Variants in ADAM19 observed in about 807,000 individuals in gnomAD.
ADAM19 encodes disintegrin and metalloproteinase domain-containing protein 19.
Under a neutral mutation model 114.7 loss-of-function variants are expected in ADAM19, and 65 were observed. The ratio of observed to expected loss-of-function variants is 0.57; its 90% confidence interval spans 0.46 to 0.70. The LOEUF (loss-of-function observed/expected upper bound fraction) is 0.70, where lower values mean the gene tolerates loss of function less well. Ranked by LOEUF, ADAM19 falls within the 30% of genes least tolerant of loss-of-function variation. The pLI, the probability that ADAM19 is intolerant of heterozygous loss-of-function variation, is 0.00. For missense variants in ADAM19, 1,063 were observed against 1,204.7 expected (o/e 0.88, Z 1.74); for synonymous variants, 466 against 460.5 (o/e 1.01, Z -0.15).
chr5:157,480,608 CT>C lies in ADAM19; in HGVS notation c.*340del. The C allele has an allele frequency of 8.8e-7, 1 of 1,136,970 alleles. No individual in the cohort carries two copies. Among genetic ancestry groups the C allele is most frequent in the Non-Finnish European group, 1.1e-6 (1 of 922,846 alleles). The allele number at this position is 1,136,970 out of a possible 1,614,324, so 70.4% of individuals were successfully genotyped here. On this transcript the variant is annotated 3_prime_UTR_variant, in exon 23 of 23. Transcript: ENST00000257527. ...TGGCTTCTGCAAGCGAAGTGCTGGC[CT>C]GAGGGGCTTGCTGGCCTTGAGCATC...
At chr5:157,524,610 C>G (rs896320955) in intron 5 of ADAM19, among the ~76,000 whole-genome samples, 1 of 152,232 alleles carries the variant, frequency 6.6e-6, no homozygotes, top group African/African-American at 2.4e-5. Context: ...CTCTCCCCTT[C>G]TCTGCAAATT....
intron 3 of ADAM19, among the ~76,000 whole-genome samples, chr5:157,559,702 G>GA (rs398109598): frequency 8.2e-6 from 1 of 121,264 alleles, no homozygotes; most frequent in Non-Finnish European, 2.0e-5. Flanking sequence ...AGAACATAGA[G>GA]AAAAAATATG....
rs891959786 is a variant in ADAM19, at chr5:157,479,022, C to A, written c.*1927G>T. On this transcript the variant is annotated 3_prime_UTR_variant, in exon 23 of 23. Transcript: ENST00000257527. ...GTGAAAGGGGATGTTTTCACCTTTA[C>A]TTTCCAGGAACCAAGCCTTGAGGCA... 1 of 985,594 alleles carries A rather than the reference C, an allele frequency of 1.0e-6. No homozygotes were observed. The highest frequency in any genetic ancestry group is 1.2e-6 in the Non-Finnish European group (1 of 829,954). 61.1% of individuals were successfully genotyped at this position (985,594 alleles called of 1,614,324 possible). A position where few individuals can be genotyped will look rare whatever the true frequency, so the allele number is the denominator to read the frequency against.
intron 7 of ADAM19, among the ~76,000 whole-genome samples, chr5:157,516,882 A>G (rs959610274): frequency 3.3e-5 from 5 of 151,812 alleles, no homozygotes; most frequent in African/African-American, 1.2e-4. Context: ...TCCCCACACT[A>G]TTCCCCCATC....
At chr5:157,563,587 G>A (rs539571389) in intron 3 of ADAM19, among the ~76,000 whole-genome samples, 2 of 152,286 alleles carry the variant, frequency 1.3e-5, no homozygotes, top group Admixed American at 6.5e-5. Context: ...CCTTATCTGC[G>A]ACGTCTGTGT....
intron 3 of ADAM19, among the ~76,000 whole-genome samples, chr5:157,551,468 A>T (rs62388511): frequency 0.23 from 34,708 of 150,082 alleles, 4,085 homozygotes; most frequent in South Asian, 0.37. Flanking sequence ...ATTTAACTGC[A>T]ACAAGAAAAC....
intron 8 of ADAM19, among the ~76,000 whole-genome samples, chr5:157,510,334 C>T (rs11134780): frequency 0.34 from 52,177 of 151,890 alleles, 9,807 homozygotes; most frequent in African/African-American, 0.49. Flanking sequence ...ATTAGCTGGG[C>T]GTGGTGGCGC....
At chr5:157,495,698 A>G (rs540879674) in intron 14 of ADAM19, among the ~76,000 whole-genome samples, 1 of 152,234 alleles carries the variant, frequency 6.6e-6, no homozygotes, top group Admixed American at 6.5e-5. Flanking sequence ...CAGTGGCACA[A>G]TCTCAGCTCA....
At chr5:157,557,770 C>T (rs1370516319) in intron 3 of ADAM19, among the ~76,000 whole-genome samples, 2 of 152,126 alleles carry the variant, frequency 1.3e-5, no homozygotes, top group East Asian at 3.9e-4. Flanking sequence ...TCTCGGGTCT[C>T]TTCTATCAGG....
In ADAM19 at chr5:157,509,458, A is replaced by T; in HGVS notation, c.748T>A (p.Ser250Thr). 2 of 1,594,316 alleles carry T rather than the reference A, an allele frequency of 1.3e-6. No homozygotes were observed. Among genetic ancestry groups the T allele is most frequent in the Non-Finnish European group, 1.7e-6 (2 of 1,168,406 alleles). ...IANYVDKFYR[S>T]LNIRIALVGL... Reference sequence around the variant, plus strand: ...ACGAGAGCAATCCGGATGTTCAAGGATCGGTAAAACTGAAAGGACACAGAA... The same window carrying T: ...ACGAGAGCAATCCGGATGTTCAAGGTTCGGTAAAACTGAAAGGACACAGAA... Residue 250 changes from serine to threonine, a missense_variant, in exon 9 of 23, where the codon TCC becomes ACC. Transcript: ENST00000257527.
At chr5:157,525,581 C>T (rs1393660208) in intron 5 of ADAM19, among the ~76,000 whole-genome samples, 1 of 152,132 alleles carries the variant, frequency 6.6e-6, no homozygotes, top group Non-Finnish European at 1.5e-5. Context: ...CCCCACTGAC[C>T]ACCCACCCCA....
intron 3 of ADAM19, among the ~76,000 whole-genome samples, chr5:157,549,276 T>C (rs1757127576): frequency 6.6e-6 from 1 of 152,186 alleles, no homozygotes; most frequent in East Asian, 1.9e-4. Flanking sequence ...AGAATTAAAA[T>C]ATTGAGCTCT....
At chr5:157,491,140 A>T (rs1415863938) in intron 18 of ADAM19, among the ~76,000 whole-genome samples, 8 of 151,406 alleles carry the variant, frequency 5.3e-5, no homozygotes, top group South Asian at 2.1e-4. Context: ...ATTTTTTTTA[A>T]AAAAAAAACT....
rs746143916 is a variant in ADAM19, at chr5:157,477,733, C to CAT, written c.*3215_*3216insAT. Reference sequence around the variant, plus strand: ...TTTTCAAATTGCAAGTCTTCCATACCCTCTGTCAAATAAGAATAAATTAGG... The same window carrying CAT: ...TTTTCAAATTGCAAGTCTTCCATACCATCTCTGTCAAATAAGAATAAATTAGG... On this transcript the variant is annotated 3_prime_UTR_variant, in exon 23 of 23. Transcript: ENST00000257527. 1.6e-5 allele frequency: 21 copies of CAT among 1,289,340 alleles called. No homozygotes were observed. The highest frequency in any genetic ancestry group is 2.3e-5 in the Admixed American group (1 of 43,528). 79.9% of individuals were successfully genotyped at this position (1,289,340 alleles called of 1,614,324 possible). A position where few individuals can be genotyped will look rare whatever the true frequency, so the allele number is the denominator to read the frequency against.
chr5:157,539,873 A>G (rs1756870162), intron 3 of ADAM19, among the ~76,000 whole-genome samples: 1 of 152,240 alleles, frequency 6.6e-6, no homozygotes, highest in South Asian at 2.1e-4. Context: ...GTTCAATGAG[A>G]AAACCACTTA....
At position 157,507,282 on chromosome 5, in the gene ADAM19, C is replaced by T. The variant is rs189750006; in HGVS notation, c.906-142G>A. 3.4e-4 allele frequency: 245 copies of T among 720,824 alleles called. 2 individuals are homozygous for T. Among genetic ancestry groups the T allele is most frequent in the Admixed American group, 2.5e-3 (112 of 44,450 alleles). The allele number at this position is 720,824 out of a possible 1,614,324, so 44.7% of individuals were successfully genotyped here. Reference sequence around the variant, plus strand: ...TTCCCAAGGGGAGAGGCCCTTGTAACCAGGCCAACTGGACAACTTCCAGCT... The same window carrying T: ...TTCCCAAGGGGAGAGGCCCTTGTAATCAGGCCAACTGGACAACTTCCAGCT... On this transcript the variant is annotated intron_variant, in intron 9 of 22. Transcript: ENST00000257527.
At chr5:157,525,245 A>G (rs1756419789) in intron 5 of ADAM19, among the ~76,000 whole-genome samples, 1 of 152,198 alleles carries the variant, frequency 6.6e-6, no homozygotes, top group African/African-American at 2.4e-5. Flanking sequence ...TTTATGATCC[A>G]TTCTGCAGAA....
At chr5:157,561,197 C>T (rs1757499519) in intron 3 of ADAM19, among the ~76,000 whole-genome samples, 1 of 152,224 alleles carries the variant, frequency 6.6e-6, no homozygotes, top group Non-Finnish European at 1.5e-5. Context: ...AAAGCAGAGA[C>T]AGGCTGCCGG....
chr5:157,575,253 C>A (rs1389932337), intron 1 of ADAM19, among the ~76,000 whole-genome samples: 3 of 152,134 alleles, frequency 2.0e-5, no homozygotes, highest in South Asian at 2.1e-4. Flanking sequence ...GAGAGAGAGG[C>A]GGAGCGGACA....
Sources: allele counts gnomAD v4.1 joint callset (sites outside exome capture counted in the v4.1 genomes callset), GRCh38; gene constraint gnomAD v4.1.1; transcripts MANE v1.5; gene names NCBI Gene and HGNC (gene_info 2026-07-23, HGNC 2026-07-21).